PCDH15: variants seen among roughly 807,000 people sequenced by gnomAD.
The protein encoded by PCDH15 is protocadherin related 15.
Under a neutral mutation model 178.5 loss-of-function variants are expected in PCDH15, and 129 were observed. The ratio of observed to expected loss-of-function variants is 0.72; its 90% CI spans 0.63 to 0.84. The LOEUF is 0.84. Ranked by LOEUF, PCDH15 falls within the 40% of genes least tolerant of loss-of-function variation. The pLI is 0.00. For synonymous variants in PCDH15, 800 were observed against 732.0 expected, an observed-to-expected ratio of 1.09 and a Z score of -1.50; for missense variants, 2,230 against 2,099.9, an observed-to-expected ratio of 1.06 and a Z score of -1.21.
chr10:54,759,615 T>A (rs552355892), intron 1 of PCDH15, among the ~76,000 whole-genome samples: 13 of 152,350 alleles, frequency 8.5e-5, no homozygotes, highest in African/African-American at 2.9e-4. Context: ...GGGCATTATT[T>A]GTCTTTCGGC....
intron 1 of PCDH15, among the ~76,000 whole-genome samples, chr10:54,711,390 C>G (rs1452705304): frequency 6.6e-6 from 1 of 151,852 alleles, no homozygotes; most frequent in Non-Finnish European, 1.5e-5. Flanking sequence ...CAAACATGAA[C>G]ATACAACACT....
At position 55,441,268 on chromosome 10, in the gene PCDH15, G is replaced by T. The variant is rs77594012; in HGVS notation, c.-156+186357C>A. 4.7e-3 allele frequency among the ~76,000 whole-genome samples: 716 copies of T among 152,208 alleles called. 7 individuals carry two copies. The highest frequency in any genetic ancestry group is 0.016 in the African/African-American group (682 of 41,512). On this transcript the variant is annotated intron_variant, in intron 2 of 5. Coordinates refer to the PCDH15 transcript ENST00000613346. ...TAACTTTCTTTCAAAACAATAAGTA[G>T]CATTTCTCCTTTTTATAAAATCTCC... is the stretch of plus-strand genomic sequence containing the variant.
At chr10:54,431,468 T>C (rs1020203350) in intron 3 of PCDH15, among the ~76,000 whole-genome samples, 1 of 152,188 alleles carries the variant, frequency 6.6e-6, no homozygotes, top group African/African-American at 2.4e-5. Flanking sequence ...CATCAATCAG[T>C]GTGATACAGC....
At chr10:55,163,078 T>C (rs929339836) in intron 2 of PCDH15, among the ~76,000 whole-genome samples, 1 of 152,192 alleles carries the variant, frequency 6.6e-6, no homozygotes, top group Non-Finnish European at 1.5e-5. Context: ...AGAAGGACCA[T>C]TTTCCACACC....
At chr10:54,673,505 C>T (rs2094717590) in intron 1 of PCDH15, among the ~76,000 whole-genome samples, 1 of 152,114 alleles carries the variant, frequency 6.6e-6, no homozygotes, top group Non-Finnish European at 1.5e-5. Flanking sequence ...ATGGCATGAT[C>T]TCGGCTCACT....
intron 2 of PCDH15, 47 bp downstream of exon 2, chr10:54,664,125 A>G: frequency 7.3e-7 from 1 of 1,376,082 alleles, no homozygotes; most frequent in Non-Finnish European, 1.0e-6. Context: ...CAATGTAATA[A>G]TAAAAATCCT....
chr10:54,692,620 A>T (rs1161078332), intron 1 of PCDH15, among the ~76,000 whole-genome samples: 1 of 151,088 alleles, frequency 6.6e-6, no homozygotes, highest in Non-Finnish European at 1.5e-5. Flanking sequence ...TTTACATAAG[A>T]TCTAGAAATA....
At chr10:54,748,611 GGATTGATTTCTTT>G (rs1945785972) in intron 1 of PCDH15, among the ~76,000 whole-genome samples, 1 of 152,134 alleles carries the variant, frequency 6.6e-6, no homozygotes, top group Non-Finnish European at 1.5e-5. Context: ...TCCCTTTACA[GGATTGATTTCTTT>G]GATTGTAAAG....
intron 1 of PCDH15, among the ~76,000 whole-genome samples, chr10:54,733,037 G>A (rs566507597): frequency 2.0e-5 from 3 of 151,566 alleles, no homozygotes; most frequent in South Asian, 4.1e-4. Context: ...GTTTGTCTAC[G>A]AAAACGTACA....
chr10:54,744,326 GT>G (rs1421914063), intron 1 of PCDH15, among the ~76,000 whole-genome samples: 3 of 152,060 alleles, frequency 2.0e-5, no homozygotes, highest in African/African-American at 7.2e-5. Flanking sequence ...ACTAAGCATT[GT>G]TTTAATTTCT....
intron 8 of PCDH15, among the ~76,000 whole-genome samples, chr10:54,270,557 CATT>C (rs1293142844): frequency 2.6e-5 from 4 of 152,104 alleles, no homozygotes; most frequent in South Asian, 4.1e-4. Context: ...AGCGTATCCT[CATT>C]GTTGTTTGTT....
At chr10:54,314,796 T>C (rs1363223378) in intron 8 of PCDH15, among the ~76,000 whole-genome samples, 5 of 152,186 alleles carry the variant, frequency 3.3e-5, no homozygotes, top group East Asian at 1.9e-4. Flanking sequence ...TATTTGGTTT[T>C]CTGTTCCTGT....
At chr10:54,158,845 C>T (rs372539511) in intron 13 of PCDH15, among the ~76,000 whole-genome samples, 3 of 152,038 alleles carry the variant, frequency 2.0e-5, no homozygotes, top group South Asian at 2.1e-4. Context: ...CTGTGGCTCA[C>T]GCTTGTAATT....
intron 1 of PCDH15, among the ~76,000 whole-genome samples, chr10:55,217,646 A>G (rs1392519565): frequency 6.6e-6 from 1 of 151,936 alleles, no homozygotes; most frequent in Non-Finnish European, 1.5e-5. Flanking sequence ...AGCTTTATAA[A>G]GCATTACTAG....
At position 54,185,207 on chromosome 10, in the gene PCDH15, T is replaced by A; in HGVS notation, c.1367A>T (p.Gln456Leu). ...GGTGAGGTAGCGAGTAATACCAGTC[T>A]GTGTGACGGTGAAGACTGAGGTGTA... ...NDYTSVFTVT[Q>L]TGITRYLTLL... The change falls in exon 12 of 38, where the codon CAG becomes CTG. Residue 456 changes from glutamine to leucine, a missense_variant. Gln to Leu is a moderately radical substitution (Grantham distance 113). Coordinates refer to ENST00000644397, the MANE Select transcript of PCDH15 (RefSeq NM_001384140.1). 6.2e-7 allele frequency: 1 copy of A among 1,613,670 alleles called. No homozygotes were observed. The highest frequency in any genetic ancestry group is 8.5e-7 in the Non-Finnish European group (1 of 1,179,676).
intron 1 of PCDH15, among the ~76,000 whole-genome samples, chr10:54,772,771 A>G (rs571675430): frequency 6.6e-6 from 1 of 152,264 alleles, no homozygotes; most frequent in African/African-American, 2.4e-5. Flanking sequence ...CTGGGTATAT[A>G]CCCAAAGGAA....
At chr10:55,272,070 C>A (rs1842458837) in intron 1 of PCDH15, among the ~76,000 whole-genome samples, 1 of 151,984 alleles carries the variant, frequency 6.6e-6, no homozygotes, top group South Asian at 2.1e-4. Flanking sequence ...AATAAATATA[C>A]CTATGTGTTT....
intron 34 of PCDH15, among the ~76,000 whole-genome samples, chr10:53,817,272 T>C (rs1010942010): frequency 1.3e-5 from 2 of 152,142 alleles, no homozygotes; most frequent in Non-Finnish European, 2.9e-5. Context: ...CGCAGTGACT[T>C]CATTGGTAAC....
intron 2 of PCDH15, among the ~76,000 whole-genome samples, chr10:55,591,258 C>T (rs938061383): frequency 3.9e-5 from 6 of 151,964 alleles, no homozygotes; most frequent in African/African-American, 1.5e-4. Context: ...CATAGTAATA[C>T]CCCATCTCTA....
Sources: allele counts gnomAD v4.1 joint callset (sites outside exome capture counted in the v4.1 genomes callset), GRCh38; gene constraint gnomAD v4.1.1; transcripts MANE v1.5; gene names NCBI Gene and HGNC (gene_info 2026-07-23, HGNC 2026-07-21).